The following GPHN variants were observed in gnomAD, a reference collection of about 807,000 sequenced individuals.
GPHN encodes gephyrin.
A neutral mutation model predicts 95.5 loss-of-function variants in GPHN; 17 were observed. That is an observed-to-expected ratio of 0.18 (90% CI 0.12 to 0.27). GPHN has a LOEUF of 0.27. Ranked by LOEUF, GPHN falls within the 10% of genes least tolerant of loss-of-function variation. The probability of loss-of-function intolerance (pLI) is 1.00; values close to 1 mark genes in which losing one functional copy is unlikely to be tolerated. For missense variants in GPHN, 660 were observed against 978.1 expected (o/e 0.67, Z 4.34); for synonymous variants, 320 against 322.5 (o/e 0.99, Z 0.08).
the GPHN span, chr14:67,302,684 G>A: frequency 1.2e-6 from 1 of 827,078 alleles, no homozygotes; most frequent in Non-Finnish European, 1.7e-6. Context: ...TTTCTAGCCT[G>A]ATTTTTCCAT....
At chr14:67,493,816 A>G in the GPHN span, among the ~76,000 whole-genome samples, 1 of 152,190 alleles carries the variant, frequency 6.6e-6, no homozygotes, top group Admixed American at 6.5e-5. Context: ...ACTTGGAGCT[A>G]TAAGGATGTC....
chr14:67,015,911 C>T (rs193015429), intron 9 of GPHN, among the ~76,000 whole-genome samples: 413 of 152,166 alleles, frequency 2.7e-3, no homozygotes, highest in African/African-American at 9.4e-3. Flanking sequence ...ATGGGAAAAG[C>T]ACAACTGAAG....
intron 16 of GPHN, among the ~76,000 whole-genome samples, chr14:67,118,438 C>G (rs983506755): frequency 1.3e-5 from 2 of 152,104 alleles, no homozygotes; most frequent in African/African-American, 4.8e-5. Flanking sequence ...AAAGATTTAT[C>G]CCTCGGGCCA....
At chr14:66,762,597 T>C (rs549135978) in intron 2 of GPHN, among the ~76,000 whole-genome samples, 1 of 151,998 alleles carries the variant, frequency 6.6e-6, no homozygotes, top group Non-Finnish European at 1.5e-5. Context: ...TGGGATGACA[T>C]TGTTCTAAGT....
chr14:67,084,153 T>A (rs981189072), intron 11 of GPHN, among the ~76,000 whole-genome samples: 2 of 152,280 alleles, frequency 1.3e-5, no homozygotes, highest in South Asian at 4.1e-4. Flanking sequence ...CAAAAATAGA[T>A]GGTTACAAAT....
At chr14:67,419,740 T>G in the GPHN span, among the ~76,000 whole-genome samples, 1 of 151,866 alleles carries the variant, frequency 6.6e-6, no homozygotes. Context: ...TCCCAGCTAC[T>G]CGGGAGGCTG....
At chr14:66,835,245 C>T (rs927332160) in intron 4 of GPHN, among the ~76,000 whole-genome samples, 2 of 145,254 alleles carry the variant, frequency 1.4e-5, no homozygotes, top group Non-Finnish European at 3.0e-5. Flanking sequence ...TTTTTTGTGT[C>T]TCTATTTCCT....
chr14:67,033,301 C>T lies in GPHN; in HGVS notation c.1006+9626C>T, dbSNP rs184642189. On this transcript the variant is annotated intron_variant, in intron 10 of 22. Transcript: ENST00000478722. ...CAAAGAGGCCAGGAGTGGTGGTTCA[C>T]ACCTGTAATCCCAACACTTTGGGAG... is the stretch of plus-strand genomic sequence containing the variant. Among the ~76,000 whole-genome samples the T allele has an allele frequency of 5.6e-3, 850 of 152,204 alleles. 3 individuals are homozygous for T. The highest frequency in any genetic ancestry group is 0.014 in the Middle Eastern group (4 of 294).
chr14:67,481,564 T>C, the GPHN span, among the ~76,000 whole-genome samples: 2 of 152,306 alleles, frequency 1.3e-5, no homozygotes, highest in East Asian at 3.9e-4. Flanking sequence ...AGGTGGCAGC[T>C]CCCAGTGTGG....
the GPHN span, among the ~76,000 whole-genome samples, chr14:67,534,450 G>A: frequency 6.6e-6 from 1 of 152,146 alleles, no homozygotes; most frequent in African/African-American, 2.4e-5. Flanking sequence ...GCTGGGTGTG[G>A]TGGTGTGGGC....
At chr14:67,425,401 G>A in the GPHN span, among the ~76,000 whole-genome samples, 2 of 152,092 alleles carry the variant, frequency 1.3e-5, no homozygotes, top group African/African-American at 2.4e-5. Flanking sequence ...AAATTAGCCC[G>A]GTGTGGTGGC....
At chr14:67,485,791 T>C in the GPHN span, among the ~76,000 whole-genome samples, 1 of 152,226 alleles carries the variant, frequency 6.6e-6, no homozygotes, top group East Asian at 1.9e-4. Context: ...GCTGTGCAGT[T>C]AGGAGCCTCT....
chr14:67,456,010 A>G, the GPHN span, among the ~76,000 whole-genome samples: 580 of 152,392 alleles, frequency 3.8e-3, 1 homozygote, highest in Non-Finnish European at 5.8e-3. Context: ...AAAAGAAGCT[A>G]TCAACAGAGT....
chr14:66,650,605 A>G (rs2064996645), intron 1 of GPHN, among the ~76,000 whole-genome samples: 2 of 152,224 alleles, frequency 1.3e-5, no homozygotes, highest in South Asian at 2.1e-4. Flanking sequence ...TCACTGTGGT[A>G]TGCAATCCAG....
intron 1 of GPHN, among the ~76,000 whole-genome samples, chr14:66,540,076 T>C (rs757675620): frequency 2.6e-5 from 4 of 152,208 alleles, no homozygotes; most frequent in Non-Finnish European, 4.4e-5. Flanking sequence ...ATGACCTCTA[T>C]TTCAGCAGCT....
At chr14:67,474,273 A>AAAC in the GPHN span, among the ~76,000 whole-genome samples, 1 of 151,690 alleles carries the variant, frequency 6.6e-6, no homozygotes, top group Non-Finnish European at 1.5e-5. Flanking sequence ...AACAAAAAAA[A>AAAC]AACAGAGCAA....
At chr14:66,522,941 AT>A (rs1436000682) in intron 1 of GPHN, among the ~76,000 whole-genome samples, 2 of 151,970 alleles carry the variant, frequency 1.3e-5, no homozygotes, top group East Asian at 3.9e-4. Flanking sequence ...TCTATTTTGG[AT>A]TTTTTCAGTG....
At chr14:66,668,157 A>G (rs2066078723) in intron 1 of GPHN, among the ~76,000 whole-genome samples, 1 of 152,236 alleles carries the variant, frequency 6.6e-6, no homozygotes, top group Admixed American at 6.5e-5. Flanking sequence ...GGTTGTGGAT[A>G]AAAGGAAGGC....
intron 8 of GPHN, among the ~76,000 whole-genome samples, chr14:66,960,076 G>A (rs1242578198): frequency 6.6e-6 from 1 of 151,630 alleles, no homozygotes; most frequent in Non-Finnish European, 1.5e-5. Flanking sequence ...TTTGTATTTG[G>A]TTTCTTTTTA....
Sources: allele counts gnomAD v4.1 joint callset (sites outside exome capture counted in the v4.1 genomes callset), GRCh38; gene constraint gnomAD v4.1.1; transcripts MANE v1.5; gene names NCBI Gene and HGNC (gene_info 2026-07-23, HGNC 2026-07-21).